Variants in ERI3 observed in about 807,000 individuals in gnomAD.
ERI3 encodes ERI1 exoribonuclease family member 3, also known as ERI1 exoribonuclease 3.
Under a neutral mutation model 44.4 loss-of-function variants are expected in ERI3, and 18 were observed. The observed-to-expected ratio is 0.41, with a 90% CI of 0.28 to 0.60. The LOEUF (loss-of-function observed/expected upper bound fraction) is 0.60. Ranked by LOEUF, ERI3 falls within the 20% of genes least tolerant of loss-of-function variation. The probability of loss-of-function intolerance (pLI) is 0.36; values close to 1 mark genes in which losing one functional copy is unlikely to be tolerated. For synonymous variants in ERI3, 183 were observed against 164.8 expected (o/e 1.11, Z -0.84); for missense variants, 294 against 435.5 (o/e 0.68, Z 2.89).
intron 7 of ERI3, among the ~76,000 whole-genome samples, chr1:44,259,805 A>T (rs942939250): frequency 2.1e-4 from 32 of 151,826 alleles, no homozygotes; most frequent in African/African-American, 7.5e-4. Flanking sequence ...CCTTAAGCCC[A>T]GGGGGTTGAG....
intron 7 of ERI3, among the ~76,000 whole-genome samples, chr1:44,265,931 C>G (rs1203469024): frequency 6.6e-6 from 1 of 152,102 alleles, no homozygotes; most frequent in Non-Finnish European, 1.5e-5. Context: ...GGACAAAAAT[C>G]TAAATTTAGA....
chr1:44,338,481 G>A (rs1203033883), intron 3 of ERI3, among the ~76,000 whole-genome samples: 2 of 152,202 alleles, frequency 1.3e-5, no homozygotes, highest in Non-Finnish European at 2.9e-5. Context: ...TCTCCACAGG[G>A]CTGCTTGAGT....
At chr1:44,345,001 A>G (rs569530758) in intron 2 of ERI3, among the ~76,000 whole-genome samples, 260 of 152,330 alleles carry the variant, frequency 1.7e-3, no homozygotes, top group African/African-American at 5.8e-3. Flanking sequence ...ACAGACACCA[A>G]TGGCTCCTCT....
At chr1:44,344,873 G>C (rs1167445055) in intron 2 of ERI3, among the ~76,000 whole-genome samples, 1 of 152,194 alleles carries the variant, frequency 6.6e-6, no homozygotes, top group Non-Finnish European at 1.5e-5. Flanking sequence ...GAAGGGCCCA[G>C]GTCCCCAGTG....
intron 8 of ERI3, among the ~76,000 whole-genome samples, chr1:44,223,950 G>A (rs1287581699): frequency 3.3e-5 from 5 of 152,132 alleles, no homozygotes; most frequent in African/African-American, 7.2e-5. Flanking sequence ...AACCCTAAAC[G>A]TCCAATCACG....
At chr1:44,328,655 A>T (rs145707632) in intron 3 of ERI3, among the ~76,000 whole-genome samples, 1 of 152,312 alleles carries the variant, frequency 6.6e-6, no homozygotes, top group East Asian at 1.9e-4. Context: ...GACATTCTGC[A>T]TTTCTAACAA....
chr1:44,293,540 T>A (rs1384555728), intron 6 of ERI3, among the ~76,000 whole-genome samples: 1 of 152,134 alleles, frequency 6.6e-6, no homozygotes, highest in African/African-American at 2.4e-5. Flanking sequence ...TGCTTCCAGA[T>A]CCAGGCGAGG....
intron 7 of ERI3, among the ~76,000 whole-genome samples, chr1:44,262,791 A>C (rs1024226213): frequency 3.9e-5 from 6 of 152,210 alleles, no homozygotes; most frequent in Admixed American, 3.9e-4. Context: ...TATTTAGAGC[A>C]GGTCCCATCT....
chr1:44,288,905 T>C (rs1645448239), intron 6 of ERI3, among the ~76,000 whole-genome samples: 1 of 151,668 alleles, frequency 6.6e-6, no homozygotes, highest in South Asian at 2.1e-4. Flanking sequence ...TCCTACCAGA[T>C]TGTGATTCCA....
intron 3 of ERI3, among the ~76,000 whole-genome samples, chr1:44,333,502 T>C (rs1442785314): frequency 6.6e-6 from 1 of 152,062 alleles, no homozygotes. Context: ...CTCCAGGGAA[T>C]TGCTTTTCTG....
intron 2 of ERI3, among the ~76,000 whole-genome samples, chr1:44,342,741 C>T (rs1219638226): frequency 4.3e-5 from 6 of 139,852 alleles, no homozygotes; most frequent in Admixed American, 7.3e-5. Context: ...CGAACTCCCA[C>T]GCTCAAGCAA....
intron 7 of ERI3, among the ~76,000 whole-genome samples, chr1:44,258,131 G>C (rs908675122): frequency 6.6e-6 from 1 of 152,124 alleles, no homozygotes; most frequent in Non-Finnish European, 1.5e-5. Context: ...TTTGAACCTG[G>C]CATGTAACTA....
At chr1:44,314,879 A>G (rs1186161861) in intron 4 of ERI3, among the ~76,000 whole-genome samples, 1 of 152,248 alleles carries the variant, frequency 6.6e-6, no homozygotes, top group East Asian at 1.9e-4. Context: ...CCCAGCCCCA[A>G]CTAGTACCGA....
intron 6 of ERI3, among the ~76,000 whole-genome samples, chr1:44,306,232 C>G (rs760038805): frequency 1.3e-5 from 2 of 152,224 alleles, no homozygotes; most frequent in Non-Finnish European, 1.5e-5. Context: ...CCAGTCCAAA[C>G]CCAAACCAGC....
chr1:44,282,436 G>C (rs1054464818), intron 7 of ERI3, among the ~76,000 whole-genome samples: 1 of 152,168 alleles, frequency 6.6e-6, no homozygotes, highest in African/African-American at 2.4e-5. Context: ...TCACACAGGG[G>C]ACACAAGGCA....
intron 8 of ERI3, among the ~76,000 whole-genome samples, chr1:44,225,246 C>T (rs1243589996): frequency 6.6e-6 from 1 of 152,102 alleles, no homozygotes; most frequent in East Asian, 1.9e-4. Context: ...CTCCAAGAGG[C>T]CTCTACCTCA....
chr1:44,244,040 T>C (rs539222897), intron 8 of ERI3: 1 of 152,292 alleles, frequency 6.6e-6, no homozygotes, highest in East Asian at 1.9e-4. Flanking sequence ...TTAAGACTGT[T>C]GTGAAAACTA....
intron 8 of ERI3, among the ~76,000 whole-genome samples, chr1:44,233,894 G>A (rs1298326191): frequency 1.3e-5 from 2 of 152,066 alleles, no homozygotes; most frequent in Non-Finnish European, 2.9e-5. Flanking sequence ...TCTGATCACT[G>A]CTCTACCAAC....
At chr1:44,296,213 G>C (rs1645608475) in intron 6 of ERI3, among the ~76,000 whole-genome samples, 1 of 152,200 alleles carries the variant, frequency 6.6e-6, no homozygotes, top group Admixed American at 6.5e-5. Flanking sequence ...GGGAGGAGAA[G>C]TCTCCAGAGC....
Sources: allele counts gnomAD v4.1 joint callset (sites outside exome capture counted in the v4.1 genomes callset), GRCh38; gene constraint gnomAD v4.1.1; transcripts MANE v1.5; gene names NCBI Gene and HGNC (gene_info 2026-07-23, HGNC 2026-07-21).